The following TTN variants were observed in gnomAD, a reference collection of about 807,000 sequenced individuals.
TTN encodes titin.
TTN carries 1,525 observed loss-of-function variants against 3,223.0 expected under a neutral mutation model. The observed-to-expected ratio is 0.47, with a 90% CI of 0.45 to 0.49. The LOEUF (loss-of-function observed/expected upper bound fraction) is 0.49, where lower values mean the gene tolerates loss of function less well. Among genes scored for constraint, TTN ranks in the 20% least tolerant of loss-of-function variants. TTN has a pLI of 0.00. For synonymous variants in TTN, 14,094 were observed against 15,161.0 expected (o/e 0.93, Z 5.17); for missense variants, 40,786 against 43,424.0 (o/e 0.94, Z 5.40).
intron 6 of TTN, among the ~76,000 whole-genome samples, chr2:178,797,842 T>C (rs1382095525): frequency 6.6e-6 from 1 of 152,174 alleles, no homozygotes; most frequent in African/African-American, 2.4e-5. Context: ...TTAAAAGCTT[T>C]CACCCATAAA....
In TTN at chr2:178,692,530, T is replaced by A. The variant is rs376613199; in HGVS notation, c.31645A>T (p.Ile10549Phe). ...PAPEEVAPVPIPKKVEPPAPK... is the reference protein window; with the variant it reads ...PAPEEVAPVPFPKKVEPPAPK... ...GCTGGGGGCTCCACTTTTTTAGGGATAGGAACAGGGGCCACTTCTTCTGGA... is the reference window on the plus strand; with the variant it reads ...GCTGGGGGCTCCACTTTTTTAGGGAAAGGAACAGGGGCCACTTCTTCTGGA... Residue 10549 changes from isoleucine to phenylalanine, a missense_variant, in exon 120 of 363, where the codon ATC (isoleucine) becomes TTC (phenylalanine). Physicochemically the swap from Ile to Phe is conservative, Grantham distance 21. Transcript: ENST00000589042. 2 of 1,588,442 alleles carry A rather than the reference T, an allele frequency of 1.3e-6. No homozygotes were observed. Among genetic ancestry groups the A allele is most frequent in the East Asian group, 4.5e-5 (2 of 44,414 alleles).
At chr2:178,536,716 A>ATACTAAGACAT (rs753205686) in intron 356 of TTN, 141 bp from the exon 357 acceptor site, 343 of 876,142 alleles carry the variant, frequency 3.9e-4, no homozygotes, top group Non-Finnish European at 5.1e-4. Context: ...TGGTTACTTT[A>ATACTAAGACAT]TACTAAGACA....
intron 111 of TTN, 130 bp from the exon 112 acceptor site, chr2:178,699,044 A>G (rs891407172): frequency 1.0e-6 from 1 of 956,382 alleles, no homozygotes; most frequent in Non-Finnish European, 1.5e-6. Context: ...GAGATTCTGC[A>G]TATTACTACA....
Position 178,533,696 on chromosome 2 carries a change from A to T in TTN, c.102919T>A (p.Tyr34307Asn), listed in dbSNP as rs769306235. 27 of 1,613,894 alleles carry T rather than the reference A, an allele frequency of 1.7e-5. No individual in the cohort carries two copies. Among genetic ancestry groups the T allele is most frequent in the Non-Finnish European group, 2.2e-5 (26 of 1,179,846 alleles). ...KIKPGDNDKKYTFESDKGLYQ... is the reference protein window; with the variant it reads ...KIKPGDNDKKNTFESDKGLYQ... ...AGACCCTTGTCTGACTCAAATGTGT[A>T]CTTCTTGTCATTGTCACCTGGTTTG... is the stretch of plus-strand genomic sequence containing the variant. Residue 34307 changes from tyrosine (Y) to asparagine (N), a missense_variant, in exon 358 of 363, where the codon TAC becomes AAC. Transcript: ENST00000589042.
At chr2:178,602,692 A>G (rs2053764851) in intron 282 of TTN, 102 bp from the exon 283 acceptor site, 1 of 869,876 alleles carries the variant, frequency 1.1e-6, no homozygotes, top group Non-Finnish European at 1.6e-6. Flanking sequence ...ATCTATTAAA[A>G]TATTAAAATA....
intron 250 of TTN, 183 bp from the exon 251 acceptor site, chr2:178,619,036 C>T (rs2057841041): frequency 1.3e-6 from 1 of 782,106 alleles, no homozygotes; most frequent in Non-Finnish European, 2.0e-6. Flanking sequence ...GTTGTGCGTG[C>T]AAATTAGATT....
chr2:178,672,780 C>A (rs919670977), intron 152 of TTN, 77 bp from the exon 153 acceptor site: 24 of 1,206,508 alleles, frequency 2.0e-5, no homozygotes, highest in Non-Finnish European at 2.6e-5. Flanking sequence ...AGAGACAACG[C>A]CAACATTACA....
In TTN at chr2:178,768,694, T is replaced by C. The variant is rs74773630; in HGVS notation, c.9142A>G (p.Thr3048Ala). The C allele has an allele frequency of 1.9e-6, 3 of 1,613,436 alleles. No individual in the cohort carries two copies. Among genetic ancestry groups the C allele is most frequent in the Non-Finnish European group, 2.5e-6 (3 of 1,179,934 alleles). ...YTFVAGKATS[T>A]ATLYVEARHI... ...ATACCTTCCACATAAAGTGTGGCTG[T>C]TGATGTTGCTTTTCCAGCCACAAAG... is the stretch of plus-strand genomic sequence containing the variant. Residue 3048 changes from threonine to alanine, a missense_variant, in exon 38 of 363, where the codon ACA becomes GCA. Thr to Ala is a moderately conservative substitution (Grantham distance 58). Coordinates refer to ENST00000589042, the MANE Select transcript of TTN (RefSeq NM_001267550.2).
chr2:178,650,372 T>C (rs2154248891), intron 209 of TTN, 101 bp from the exon 210 acceptor site: 4 of 1,096,790 alleles, frequency 3.6e-6, no homozygotes, highest in Non-Finnish European at 5.2e-6. Context: ...TCTTCCTTTG[T>C]TTCAATTGAT....
At chr2:178,758,809 T>G (rs931293826) in intron 44 of TTN, 175 bp downstream of exon 44, 8 of 685,118 alleles carry the variant, frequency 1.2e-5, no homozygotes, top group African/African-American at 1.8e-5. Context: ...TGATTCACAA[T>G]GAAAAGTGGT....
Position 178,553,518 on chromosome 2 carries a change from T to A in TTN, c.89487A>T (p.Gln29829His). ...GGTACATACCAAGTATATCTTTAGC[T>A]TGTACAGGTTCATTCATTTCTATAG... ...GEPIEMNEPV[Q>H]AKDILEAPEI... The change falls in exon 334 of 363, where the codon CAA becomes CAT. Residue 29829 changes from glutamine (Q) to histidine (H), a missense_variant. Gln to His is a conservative substitution (Grantham distance 24). Coordinates refer to ENST00000589042, the MANE Select transcript of TTN (RefSeq NM_001267550.2). The A allele has an allele frequency of 6.2e-7, 1 of 1,611,782 alleles. No homozygotes were observed.
rs1296087829 is a variant in TTN, at chr2:178,594,347, G to A, written c.58147C>T (p.Leu19383=). Residue 19383 remains leucine (L), a synonymous_variant, in exon 296 of 363, where the codon CTG becomes TTG. Transcript: ENST00000589042. ...CTKPITCKDE[L]APPTLHLDFR... Reference sequence around the variant, plus strand: ...ATAAATTGTAGTAGACACATACCCAGCTCATCCTTGCAAGTAATTGGTTTG... The same window carrying A: ...ATAAATTGTAGTAGACACATACCCAACTCATCCTTGCAAGTAATTGGTTTG... 1.9e-6 allele frequency: 3 copies of A among 1,592,472 alleles called. No individual in the cohort carries two copies. The highest frequency in any genetic ancestry group is 1.7e-6 in the Non-Finnish European group (2 of 1,170,244).
chr2:178,780,076 T>C lies in TTN; in HGVS notation c.3653A>G (p.Tyr1218Cys), dbSNP rs1298196138. ...CCTAATTAAGGCTTGTTCTTTTTCA[T>C]ACTCTTTTTCATACTCAGAGTATAC... ...GFVYSEYEKE[Y>C]EKEQALIRKK... The change falls in exon 22 of 363, where the codon TAT (tyrosine) becomes TGT (cysteine). Residue 1218 changes from tyrosine to cysteine, a missense_variant. By Grantham distance (194) the Tyr-to-Cys change is radical (BLOSUM62 -2). Coordinates refer to ENST00000589042, the MANE Select transcript of TTN (RefSeq NM_001267550.2). 9.9e-6 allele frequency: 16 copies of C among 1,613,438 alleles called. No homozygotes were observed. The highest frequency in any genetic ancestry group is 1.4e-5 in the Non-Finnish European group (16 of 1,179,586).
At chr2:178,553,852 A>C in intron 333 of TTN, 45 bp from the exon 334 acceptor site, 1 of 1,561,510 alleles carries the variant, frequency 6.4e-7, no homozygotes, top group Non-Finnish European at 8.7e-7. Flanking sequence ...ATCATGTACA[A>C]TTTAGTCACA....
At chr2:178,781,083 G>A in intron 21 of TTN, 38 bp downstream of exon 21, 24 of 1,613,352 alleles carry the variant, frequency 1.5e-5, no homozygotes, top group Non-Finnish European at 1.9e-5. Context: ...TTGTATTTCA[G>A]TTCTTATCAT....
rs1270432206 is a variant in TTN, at chr2:178,777,540, C to T, written c.4525G>A (p.Glu1509Lys). 11 of 1,613,802 alleles carry T rather than the reference C, an allele frequency of 6.8e-6. No homozygotes were observed. Among genetic ancestry groups the T allele is most frequent in the Non-Finnish European group, 9.3e-6 (11 of 1,179,958 alleles). ...NDYTHKVVIK[E>K]DGTQSLIIVP... ...ATAATTAGTGATTGAGTACCATCTT[C>T]TTTAATGACTACTTTATGGGTATAG... Residue 1509 changes from glutamate (E) to lysine (K), a missense_variant, in exon 26 of 363, where the codon GAA becomes AAA. Physicochemically the swap from Glu to Lys is moderately conservative, Grantham distance 56. Transcript: ENST00000589042.
chr2:178,718,317 C>T lies in TTN; in HGVS notation c.24784+5G>A. On this transcript the variant is annotated splice_donor_5th_base_variant and intron_variant, in intron 85 of 362. Coordinates refer to ENST00000589042, the MANE Select transcript of TTN (RefSeq NM_001267550.2). Reference sequence around the variant, plus strand: ...AGCAATAAAAAGAGGTAGCTGTCAACACACCTAAGACAGACACCAGAGCTT... The same window carrying T: ...AGCAATAAAAAGAGGTAGCTGTCAATACACCTAAGACAGACACCAGAGCTT... 3 of 1,608,568 alleles carry T rather than the reference C, an allele frequency of 1.9e-6. No homozygotes were observed. The highest frequency in any genetic ancestry group is 2.6e-6 in the Non-Finnish European group (3 of 1,176,386).
rs1455452769 is a variant in TTN, at chr2:178,649,907, G to T, written c.39818-13C>A. 1.3e-6 allele frequency: 2 copies of T among 1,597,664 alleles called. No homozygotes were observed. The highest frequency in any genetic ancestry group is 1.7e-6 in the Non-Finnish European group (2 of 1,175,530). On this transcript the variant is annotated splice_polypyrimidine_tract_variant and intron_variant, in intron 210 of 362. Coordinates refer to ENST00000589042, the MANE Select transcript of TTN (RefSeq NM_001267550.2). Reference sequence around the variant, plus strand: ...GGCTCTTCAGGCACTTGAATAATAGGAATTTCTTTTAGAATTAGGTGATTA... The same window carrying T: ...GGCTCTTCAGGCACTTGAATAATAGTAATTTCTTTTAGAATTAGGTGATTA...
At position 178,562,489 on chromosome 2, in the gene TTN, T is replaced by A. The variant is rs1386976221; in HGVS notation, c.83643A>T (p.Thr27881=). 1 of 1,613,214 alleles carries A rather than the reference T, an allele frequency of 6.2e-7. No individual in the cohort carries two copies. Among genetic ancestry groups the A allele is most frequent in the East Asian group, 2.2e-5 (1 of 44,796 alleles). Residue 27881 remains threonine, a synonymous_variant, in exon 326 of 363, where the codon ACA becomes ACT. Transcript: ENST00000589042. The part of the protein sequence containing the change: ...TLVDVTRNTA[T]IKWEKPESDG... ...CACTTTCTGGTTTCTCCCACTTAAT[T>A]GTAGCTGTATTACGGGTCACATCAA...
Sources: allele counts gnomAD v4.1 joint callset (sites outside exome capture counted in the v4.1 genomes callset), GRCh38; gene constraint gnomAD v4.1.1; transcripts MANE v1.5; gene names NCBI Gene and HGNC (gene_info 2026-07-23, HGNC 2026-07-21).